The following ZFPM2 variants were observed in gnomAD, a reference collection of about 807,000 sequenced individuals.
ZFPM2 encodes zinc finger protein, FOG family member 2, also known as zinc finger protein ZFPM2.
Under a neutral mutation model 98.6 loss-of-function variants are expected in ZFPM2, and 20 were observed. The observed-to-expected ratio is 0.20, with a 90% CI of 0.14 to 0.29. ZFPM2 has a LOEUF of 0.29. Ranked by LOEUF, ZFPM2 falls within the 10% of genes least tolerant of loss-of-function variation. The pLI, the probability that ZFPM2 is intolerant of heterozygous loss-of-function variation, is 1.00. For synonymous variants in ZFPM2, 518 were observed against 502.7 expected (o/e 1.03, Z -0.41); for missense variants, 1,310 against 1,388.6 (o/e 0.94, Z 0.90).
At chr8:105,482,557 C>A (rs369168515) in intron 3 of ZFPM2, among the ~76,000 whole-genome samples, 1 of 151,764 alleles carries the variant, frequency 6.6e-6, no homozygotes, top group East Asian at 1.9e-4. Flanking sequence ...TCTTTTTTCC[C>A]CTCTACCAAC....
intron 5 of ZFPM2, chr8:105,669,955 C>T (rs1817558028): frequency 6.6e-6 from 1 of 152,090 alleles, no homozygotes; most frequent in Non-Finnish European, 1.5e-5. Context: ...AGCATGCAAG[C>T]CTGTGTAACA....
chr8:105,645,613 C>A (rs1234737501), intron 5 of ZFPM2, among the ~76,000 whole-genome samples: 1 of 152,156 alleles, frequency 6.6e-6, no homozygotes, highest in Non-Finnish European at 1.5e-5. Context: ...AGTGTTGCAG[C>A]TTGTATGGTG....
chr8:105,701,211 G>A (rs1013094205), intron 5 of ZFPM2, among the ~76,000 whole-genome samples: 1 of 152,134 alleles, frequency 6.6e-6, no homozygotes, highest in African/African-American at 2.4e-5. Context: ...CATCTGACAA[G>A]CAAAACCTAT....
At chr8:105,551,372 A>G (rs1025660883) in intron 3 of ZFPM2, among the ~76,000 whole-genome samples, 2 of 151,968 alleles carry the variant, frequency 1.3e-5, no homozygotes, top group Admixed American at 6.6e-5. Flanking sequence ...GTCTATATTC[A>G]TTGGTTATAT....
At chr8:105,508,679 C>T (rs778604590) in intron 3 of ZFPM2, among the ~76,000 whole-genome samples, 5 of 151,862 alleles carry the variant, frequency 3.3e-5, no homozygotes, top group Non-Finnish European at 7.4e-5. Context: ...AATCTGTAAA[C>T]GACTTAAAGG....
At chr8:105,369,679 A>G (rs1810580254) in intron 1 of ZFPM2, among the ~76,000 whole-genome samples, 1 of 152,198 alleles carries the variant, frequency 6.6e-6, no homozygotes, top group African/African-American at 2.4e-5. Context: ...TAAAAATCTA[A>G]AAAGGGGGTC....
chr8:105,789,357 AGTTTAC>A (rs1813525706), intron 6 of ZFPM2, among the ~76,000 whole-genome samples: 1 of 152,032 alleles, frequency 6.6e-6, no homozygotes, highest in African/African-American at 2.4e-5. Context: ...TTCTTGCGAT[AGTTTAC>A]TGAGAATGAT....
At chr8:105,658,992 C>G (rs1203818891) in intron 5 of ZFPM2, among the ~76,000 whole-genome samples, 2 of 151,980 alleles carry the variant, frequency 1.3e-5, no homozygotes, top group East Asian at 3.9e-4. Context: ...GTAACAGTAA[C>G]CAGGGTTCTG....
chr8:105,651,122 C>A (rs1233767117), intron 5 of ZFPM2, among the ~76,000 whole-genome samples: 12 of 152,044 alleles, frequency 7.9e-5, no homozygotes, highest in Admixed American at 7.9e-4. Context: ...AGTGACAAGT[C>A]TCTCCATATA....
At chr8:105,523,035 C>T (rs546254094) in intron 3 of ZFPM2, among the ~76,000 whole-genome samples, 14 of 152,268 alleles carry the variant, frequency 9.2e-5, no homozygotes, top group Admixed American at 2.6e-4. Flanking sequence ...AGTTCTTATT[C>T]TAGCCCTAGC....
At chr8:105,594,636 A>G (rs1815924898) in intron 4 of ZFPM2, among the ~76,000 whole-genome samples, 1 of 152,038 alleles carries the variant, frequency 6.6e-6, no homozygotes, top group Non-Finnish European at 1.5e-5. Context: ...GGTTTCAGAC[A>G]CTCCTCAAAA....
intron 6 of ZFPM2, among the ~76,000 whole-genome samples, chr8:105,791,755 C>A (rs1813619011): frequency 6.6e-6 from 1 of 152,182 alleles, no homozygotes; most frequent in Non-Finnish European, 1.5e-5. Context: ...TTGATTATTG[C>A]CACAATTTCA....
At chr8:105,534,451 C>CTCCT (rs1410377558) in intron 3 of ZFPM2, among the ~76,000 whole-genome samples, 5 of 133,794 alleles carry the variant, frequency 3.7e-5, no homozygotes, top group African/African-American at 9.7e-5. Flanking sequence ...TCCTCTCTTC[C>CTCCT]TTCCTTCCTT....
At chr8:105,464,430 GC>G (rs1812759227) in intron 3 of ZFPM2, among the ~76,000 whole-genome samples, 1 of 151,944 alleles carries the variant, frequency 6.6e-6, no homozygotes, top group Admixed American at 6.6e-5. Flanking sequence ...TCAATAGGGA[GC>G]TCTTAAAAAT....
chr8:105,583,379 A>C (rs1815643939), intron 4 of ZFPM2, among the ~76,000 whole-genome samples: 1 of 152,144 alleles, frequency 6.6e-6, no homozygotes, highest in Non-Finnish European at 1.5e-5. Flanking sequence ...ATGGGTGTGA[A>C]AAAAGAGAAA....
intron 3 of ZFPM2, among the ~76,000 whole-genome samples, chr8:105,516,642 G>T (rs1010211092): frequency 2.0e-5 from 3 of 152,118 alleles, no homozygotes; most frequent in African/African-American, 7.2e-5. Flanking sequence ...TTATAATGAT[G>T]AAATGAATAA....
chr8:105,480,835 C>A (rs370046068), intron 3 of ZFPM2, among the ~76,000 whole-genome samples: 8 of 151,456 alleles, frequency 5.3e-5, no homozygotes, highest in African/African-American at 1.9e-4. Flanking sequence ...ACTGCAAGCT[C>A]CACCTCCCAG....
chr8:105,416,040 G>A (rs1436199266), intron 1 of ZFPM2, among the ~76,000 whole-genome samples: 1 of 151,492 alleles, frequency 6.6e-6, no homozygotes, highest in Non-Finnish European at 1.5e-5. Flanking sequence ...TTCCATGCTT[G>A]GAATTGCAAA....
chr8:105,325,428 A>C (rs1169881020), intron 1 of ZFPM2, among the ~76,000 whole-genome samples: 1 of 151,784 alleles, frequency 6.6e-6, no homozygotes, highest in Non-Finnish European at 1.5e-5. Flanking sequence ...TCAGGCTTCA[A>C]GTTAATAGCC....
Sources: gnomAD v4.1 joint callset for allele counts (sites outside exome capture counted in the v4.1 genomes callset) on GRCh38, gnomAD v4.1.1 for gene constraint, MANE v1.5 for transcripts, NCBI Gene and HGNC (gene_info 2026-07-23, HGNC 2026-07-21) for gene names.